The following EMP2 variants were observed in gnomAD, a reference collection of about 807,000 sequenced individuals.
EMP2 encodes the protein epithelial membrane protein 2.
Under a neutral mutation model 13.7 loss-of-function variants are expected in EMP2, and 19 were observed. The observed-to-expected ratio is 1.38, with a 90% CI of 0.97 to 2.03. The LOEUF (loss-of-function observed/expected upper bound fraction) is 2.03. Among genes scored for constraint, EMP2 ranks in the 30% most tolerant of loss-of-function variants. The probability of loss-of-function intolerance (pLI) is 0.00; values close to 1 mark genes in which losing one functional copy is unlikely to be tolerated. For missense variants in EMP2, 253 were observed against 220.7 expected (o/e 1.15, Z -0.93); for synonymous variants, 97 against 84.7 (o/e 1.15, Z -0.80).
At chr16:10,568,899 G>A (rs373382479) in intron 1 of EMP2, among the ~76,000 whole-genome samples, 2 of 141,390 alleles carry the variant, frequency 1.4e-5, no homozygotes, top group East Asian at 4.3e-4. Flanking sequence ...CAATTCTTCT[G>A]CCTCAGCCTC....
chr16:10,571,637 G>C (rs993023161), intron 1 of EMP2, among the ~76,000 whole-genome samples: 9 of 152,336 alleles, frequency 5.9e-5, no homozygotes, highest in African/African-American at 1.9e-4. Flanking sequence ...GTCTCTATCA[G>C]ATCCTTCTGG....
intron 2 of EMP2, 41 bp downstream of exon 2, chr16:10,547,499 G>A: frequency 6.2e-7 from 1 of 1,606,598 alleles, no homozygotes; most frequent in Non-Finnish European, 8.5e-7. Context: ...ATTGACTGCA[G>A]GACCCAGGTT....
intron 1 of EMP2, among the ~76,000 whole-genome samples, chr16:10,570,676 G>C (rs1464570843): frequency 2.6e-5 from 4 of 152,090 alleles, no homozygotes; most frequent in Non-Finnish European, 5.9e-5. Flanking sequence ...GGGATTACAG[G>C]CATGAGCTAC....
At chr16:10,542,347 G>A (rs1297529887) in intron 3 of EMP2, among the ~76,000 whole-genome samples, 1 of 152,186 alleles carries the variant, frequency 6.6e-6, no homozygotes, top group East Asian at 1.9e-4. Flanking sequence ...GCAGTGAGTC[G>A]TGACTGCACC....
intron 4 of EMP2, 59 bp from the exon 5 acceptor site, chr16:10,533,151 C>T (rs2050621261): frequency 1.5e-6 from 2 of 1,368,898 alleles, no homozygotes. Context: ...CCCTGGGTAG[C>T]CCAGGGGCAT....
Position 10,531,990 on chromosome 16 carries a change from A to T in EMP2, c.*915T>A, listed in dbSNP as rs1020102605. ...TAGATGTAGACAGCTGTGGCGATGG[A>T]GGCCAAGGTTTTGGCCTGCTGTGGG... On this transcript the variant is annotated 3_prime_UTR_variant, in exon 5 of 5. Transcript: ENST00000359543. 2 of 154,754 alleles carry T rather than the reference A, an allele frequency of 1.3e-5. No individual in the cohort carries two copies. Among genetic ancestry groups the T allele is most frequent in the African/African-American group, 4.8e-5 (2 of 41,476 alleles). 9.6% of individuals were successfully genotyped at this position (154,754 alleles called of 1,614,324 possible). A position where few individuals can be genotyped will look rare whatever the true frequency, so the allele number is the denominator to read the frequency against.
At position 10,532,758 on chromosome 16, in the gene EMP2, C is replaced by CTTTTTCTTTTTCTTTTTT. The variant is rs1567199104; in HGVS notation, c.*146_*147insAAAAAAGAAAAAGAAAAA. 5.5e-6 allele frequency: 1 copy of CTTTTTCTTTTTCTTTTTT among 182,526 alleles called. No homozygotes were observed. The highest frequency in any genetic ancestry group is 4.2e-5 in the African/African-American group (1 of 23,708). 11.3% of individuals were successfully genotyped at this position (182,526 alleles called of 1,614,324 possible). On this transcript the variant is annotated 3_prime_UTR_variant, in exon 5 of 5. Transcript: ENST00000359543. ...CTTTTGGATTTTTTTTTTCTTTTTT[C>CTTTTTCTTTTTCTTTTTT]TTTTTTTTTTTTTTTTTTTTTTTTT...
At chr16:10,576,347 A>C (rs1178403178) in intron 1 of EMP2, among the ~76,000 whole-genome samples, 1 of 152,124 alleles carries the variant, frequency 6.6e-6, no homozygotes, top group Admixed American at 6.6e-5. Flanking sequence ...AATTCATTGC[A>C]TTTTGAGGAA....
At chr16:10,555,511 G>T (rs887244070) in intron 1 of EMP2, among the ~76,000 whole-genome samples, 9 of 152,026 alleles carry the variant, frequency 5.9e-5, no homozygotes. Context: ...TTTAAAAGAA[G>T]ATAACAGAAC....
intron 3 of EMP2, among the ~76,000 whole-genome samples, chr16:10,538,933 A>T (rs557286306): frequency 6.6e-6 from 1 of 152,070 alleles, no homozygotes; most frequent in Non-Finnish European, 1.5e-5. Context: ...CTCCTGCCTC[A>T]GCCTCCTGTG....
chr16:10,551,907 G>A (rs1021983778), intron 1 of EMP2, among the ~76,000 whole-genome samples: 13 of 152,066 alleles, frequency 8.5e-5, no homozygotes, highest in African/African-American at 3.1e-4. Context: ...TTGAGACCCA[G>A]GACACACTAA....
chr16:10,538,230 A>G (rs2050666171), intron 3 of EMP2, among the ~76,000 whole-genome samples, 156 bp from the exon 4 acceptor site: 1 of 152,170 alleles, frequency 6.6e-6, no homozygotes, highest in Non-Finnish European at 1.5e-5. Context: ...AAGGGCAGCC[A>G]AGGCGTCTTC....
At chr16:10,537,060 A>G (rs1315602878) in intron 4 of EMP2, among the ~76,000 whole-genome samples, 1 of 152,086 alleles carries the variant, frequency 6.6e-6, no homozygotes, top group African/African-American at 2.4e-5. Context: ...GGTGGTAGTT[A>G]GAGTGGTTAG....
At chr16:10,575,434 T>G (rs1009013101) in intron 1 of EMP2, among the ~76,000 whole-genome samples, 1 of 151,406 alleles carries the variant, frequency 6.6e-6, no homozygotes, top group African/African-American at 2.4e-5. Context: ...TTTTGTAATT[T>G]TAGTAGAGAC....
In EMP2 at chr16:10,547,520, T is replaced by C; in HGVS notation, c.78+20A>G. The C allele has an allele frequency of 6.2e-7, 1 of 1,613,164 alleles. No homozygotes were observed. The highest frequency in any genetic ancestry group is 1.1e-5 in the South Asian group (1 of 90,992). Reference sequence around the variant, plus strand: ...TGCAGGACCCAGGTTTCTGCGTGAGTGGCAGGAAAGGAAACTTACATTGTC... The same window carrying C: ...TGCAGGACCCAGGTTTCTGCGTGAGCGGCAGGAAAGGAAACTTACATTGTC... On this transcript the variant is annotated intron_variant, in intron 2 of 4. Coordinates refer to ENST00000359543, the MANE Select transcript of EMP2 (RefSeq NM_001424.6).
At chr16:10,553,537 C>T (rs896009687) in intron 1 of EMP2, among the ~76,000 whole-genome samples, 4 of 152,228 alleles carry the variant, frequency 2.6e-5, no homozygotes, top group Non-Finnish European at 4.4e-5. Context: ...AGTCAACTTT[C>T]TTTGGCTGGA....
At chr16:10,575,713 G>A (rs924791128) in intron 1 of EMP2, among the ~76,000 whole-genome samples, 1 of 152,028 alleles carries the variant, frequency 6.6e-6, no homozygotes, top group Non-Finnish European at 1.5e-5. Flanking sequence ...CCTTCCTTTG[G>A]TTCAAGCAAA....
At chr16:10,547,292 T>C (rs1435943979) in intron 2 of EMP2, 1 of 433,516 alleles carries the variant, frequency 2.3e-6, no homozygotes, top group Non-Finnish European at 4.1e-6. Context: ...GACGGTTTTA[T>C]AAAGGGCAGT....
chr16:10,550,893 T>C (rs760269932), intron 1 of EMP2, among the ~76,000 whole-genome samples: 16 of 151,522 alleles, frequency 1.1e-4, no homozygotes, highest in Non-Finnish European at 1.6e-4. Context: ...GAGAATCACT[T>C]GAACCCAGAA....
Sources: allele counts gnomAD v4.1 joint callset (sites outside exome capture counted in the v4.1 genomes callset), GRCh38; gene constraint gnomAD v4.1.1; transcripts MANE v1.5; gene names NCBI Gene and HGNC (gene_info 2026-07-23, HGNC 2026-07-21).